USP7: variants seen among roughly 807,000 people sequenced by gnomAD.
USP7 encodes the protein ubiquitin specific peptidase 7, also known as ubiquitin C-terminal hydrolase 7.
Under a neutral mutation model 162.9 loss-of-function variants are expected in USP7, and 9 were observed. The ratio of observed to expected loss-of-function variants is 0.06; its 90% CI spans 0.03 to 0.10. USP7 has a LOEUF of 0.10. Ranked by LOEUF, USP7 falls within the 10% of genes least tolerant of loss-of-function variation. USP7 has a pLI of 1.00. For missense variants in USP7, 715 were observed against 1,373.7 expected (o/e 0.52, Z 7.58); for synonymous variants, 562 against 475.9 (o/e 1.18, Z -2.35).
At chr16:8,960,789 C>A (rs549427322) in intron 1 of USP7, among the ~76,000 whole-genome samples, 18 of 152,330 alleles carry the variant, frequency 1.2e-4, no homozygotes, top group Admixed American at 3.9e-4. Context: ...ACATTCCAAT[C>A]GTAAGGCTAG....
intron 1 of USP7, chr16:8,935,782 C>T (rs1468629262): frequency 6.6e-6 from 1 of 152,128 alleles, no homozygotes; most frequent in Non-Finnish European, 1.5e-5. Context: ...CTGGCTAGTT[C>T]CAGGGCCTAT....
chr16:8,909,645 C>T (rs2061913125), intron 11 of USP7, among the ~76,000 whole-genome samples: 1 of 152,222 alleles, frequency 6.6e-6, no homozygotes, highest in South Asian at 2.1e-4. Context: ...AAGCAACTTT[C>T]TGGATGAGCA....
chr16:8,894,340 TCTCTC>T (rs2061648813), intron 30 of USP7, among the ~76,000 whole-genome samples: 1 of 152,224 alleles, frequency 6.6e-6, no homozygotes, highest in Non-Finnish European at 1.5e-5. Context: ...TATCCAAGCT[TCTCTC>T]CTTGAAGATC....
At chr16:8,904,039 C>G (rs1056970135) in intron 15 of USP7, among the ~76,000 whole-genome samples, 1 of 152,214 alleles carries the variant, frequency 6.6e-6, no homozygotes, top group Non-Finnish European at 1.5e-5. Flanking sequence ...TTAATCACTT[C>G]TCTGTCTGGT....
In USP7 at chr16:8,901,207, T is replaced by A; in HGVS notation, c.2075A>T (p.Tyr692Phe). 6.2e-7 allele frequency: 1 copy of A among 1,613,540 alleles called. No individual in the cohort carries two copies. The highest frequency in any genetic ancestry group is 8.5e-7 in the Non-Finnish European group (1 of 1,179,628). ...ATTCAAGCTCCGCGTTTTGGGATCA[T>A]ACATCTTCAAAAATAACATTACATC... ...DHDVMLFLKMYDPKTRSLNYC... is the reference protein window; with the variant it reads ...DHDVMLFLKMFDPKTRSLNYC... Residue 692 changes from tyrosine to phenylalanine, a missense_variant, in exon 19 of 31, where the codon TAT (tyrosine) becomes TTT (phenylalanine). Physicochemically the swap from Tyr to Phe is conservative, Grantham distance 22. Around this residue, in one of 11 missense-constraint regions of USP7, gnomAD observed 197 missense variants for 306.5 expected, o/e 0.64. Coordinates refer to ENST00000344836, the MANE Select transcript of USP7 (RefSeq NM_003470.3).
chr16:8,896,025 C>A (rs928545721), intron 26 of USP7, among the ~76,000 whole-genome samples: 1 of 151,716 alleles, frequency 6.6e-6, no homozygotes, highest in Non-Finnish European at 1.5e-5. Flanking sequence ...TTAGTAGAGA[C>A]GGGGTTTCAC....
intron 2 of USP7, among the ~76,000 whole-genome samples, chr16:8,929,954 T>C (rs1283777543): frequency 2.0e-5 from 3 of 152,206 alleles, no homozygotes; most frequent in Admixed American, 1.3e-4. Context: ...TCTGCACGTA[T>C]CTTGCTGCAA....
At chr16:8,897,702 A>G (rs1189642797) in intron 25 of USP7, among the ~76,000 whole-genome samples, 1 of 28,386 alleles carries the variant, frequency 3.5e-5, no homozygotes, top group African/African-American at 1.3e-4. Context: ...TCTCTACAAA[A>G]AAAAAAAAAA....
intron 25 of USP7, among the ~76,000 whole-genome samples, chr16:8,898,107 A>G (rs980561206): frequency 6.6e-6 from 1 of 152,164 alleles, no homozygotes; most frequent in South Asian, 2.1e-4. Flanking sequence ...ATGCGCAAGC[A>G]TCACAGTGGG....
At chr16:8,940,098 C>CAA (rs35628437) in intron 1 of USP7, among the ~76,000 whole-genome samples, 2 of 145,232 alleles carry the variant, frequency 1.4e-5, no homozygotes, top group Non-Finnish European at 3.0e-5. Flanking sequence ...ACTCTGTCTC[C>CAA]AAAAAAAAAA....
intron 8 of USP7, 52 bp from the exon 9 acceptor site, chr16:8,915,577 ATACAG>A: frequency 1.4e-6 from 2 of 1,456,860 alleles, no homozygotes; most frequent in Non-Finnish European, 1.9e-6. Flanking sequence ...TTAGTAATAT[ATACAG>A]TAATTTTATA....
intron 1 of USP7, among the ~76,000 whole-genome samples, chr16:8,938,334 ACAGT>A (rs1200356161): frequency 8.7e-6 from 1 of 114,382 alleles, no homozygotes; most frequent in Non-Finnish European, 1.8e-5. Context: ...AAGAAATAAC[ACAGT>A]CAAAAAAAAA....
intron 1 of USP7, among the ~76,000 whole-genome samples, chr16:8,958,396 T>C (rs1899890425): frequency 6.6e-6 from 1 of 152,234 alleles, no homozygotes; most frequent in Admixed American, 6.5e-5. Context: ...GCTGTGCGAC[T>C]TCCTGTAGAG....
At position 8,924,862 on chromosome 16, in the gene USP7, T is replaced by A. The variant is rs112208591; in HGVS notation, c.185-1449A>T. Among the ~76,000 whole-genome samples the A allele has an allele frequency of 3.1e-3, 472 of 152,364 alleles. 3 individuals carry two copies. Among genetic ancestry groups the A allele is most frequent in the African/African-American group, 9.8e-3 (406 of 41,592 alleles). Reference sequence around the variant, plus strand: ...CAAATTATTTTATTTCACATAACCCTGCTGAGTTGCTTACAGCACAGGAAC... The same window carrying A: ...CAAATTATTTTATTTCACATAACCCAGCTGAGTTGCTTACAGCACAGGAAC... On this transcript the variant is annotated intron_variant, in intron 2 of 30. Transcript: ENST00000344836.
intron 1 of USP7, among the ~76,000 whole-genome samples, chr16:8,943,616 G>C (rs887473709): frequency 3.9e-5 from 6 of 152,066 alleles, no homozygotes; most frequent in Non-Finnish European, 7.4e-5. Context: ...CTGGATTAAC[G>C]GTGAAAAGCA....
intron 15 of USP7, among the ~76,000 whole-genome samples, chr16:8,903,710 A>G (rs573813404): frequency 5.9e-5 from 9 of 152,236 alleles, no homozygotes; most frequent in Admixed American, 5.2e-4. Context: ...TCTACTAAAA[A>G]TACAAAATTA....
intron 13 of USP7, among the ~76,000 whole-genome samples, 168 bp from the exon 14 acceptor site, chr16:8,905,499 G>A (rs113177770): frequency 0.056 from 8,537 of 152,282 alleles, 280 homozygotes; most frequent in Middle Eastern, 0.15. Context: ...GTGCTAGGCA[G>A]GCAGCGCCTC....
chr16:8,935,078 T>C (rs367661939), intron 1 of USP7, among the ~76,000 whole-genome samples: 1 of 152,240 alleles, frequency 6.6e-6, no homozygotes, highest in Non-Finnish European at 1.5e-5. Context: ...ATGTACAACA[T>C]TGGCATGCAC....
chr16:8,900,497 A>G, intron 21 of USP7, 33 bp downstream of exon 21: 3 of 1,491,246 alleles, frequency 2.0e-6, no homozygotes, highest in Non-Finnish European at 2.7e-6. Flanking sequence ...TGAAATTAGT[A>G]CAAAGTGATA....
Sources: allele counts gnomAD v4.1 joint callset (sites outside exome capture counted in the v4.1 genomes callset), GRCh38; gene constraint gnomAD v4.1.1; regional missense constraint gnomAD v4.1.1; transcripts MANE v1.5; gene names NCBI Gene and HGNC (gene_info 2026-07-23, HGNC 2026-07-21).